Variants in ARHGEF4 observed in about 807,000 individuals in gnomAD.
The protein encoded by ARHGEF4 is APC-stimulated guanine nucleotide exchange factor 1.
In ARHGEF4, 119 loss-of-function variants were observed where a neutral mutation model predicts 162.0. That is an observed-to-expected ratio of 0.73 (90% CI 0.63 to 0.86). The LOEUF is 0.86. ARHGEF4 is among the 40% of genes least tolerant of loss of function. ARHGEF4 has a pLI of 0.00. For synonymous variants in ARHGEF4, 1,014 were observed against 979.9 expected, an observed-to-expected ratio of 1.03 and a Z score of -0.65; for missense variants, 2,488 against 2,456.0, an observed-to-expected ratio of 1.01 and a Z score of -0.28.
chr2:131,041,984 G>T, intron 10 of ARHGEF4, 40 bp downstream of exon 10: 2 of 1,595,950 alleles, frequency 1.3e-6, no homozygotes, highest in Non-Finnish European at 8.5e-7. Flanking sequence ...GGAGGTCTTG[G>T]CCCCTCGCTT....
At chr2:130,849,632 G>A (rs967772692) in intron 1 of ARHGEF4, among the ~76,000 whole-genome samples, 2 of 151,010 alleles carry the variant, frequency 1.3e-5, no homozygotes, top group African/African-American at 4.9e-5. Context: ...GCAGTGGCGC[G>A]ATCTCAGCTC....
At chr2:130,992,394 C>T (rs889203661) in intron 4 of ARHGEF4, among the ~76,000 whole-genome samples, 2 of 152,182 alleles carry the variant, frequency 1.3e-5, no homozygotes, top group Non-Finnish European at 2.9e-5. Flanking sequence ...GTAACGCTCA[C>T]CGCGAAGGTC....
chr2:130,963,700 C>G (rs1684781328), intron 4 of ARHGEF4: 1 of 146,196 alleles, frequency 6.8e-6, no homozygotes, highest in African/African-American at 2.5e-5. Flanking sequence ...GCGACCCGCA[C>G]TGGGGTCGCC....
intron 4 of ARHGEF4, among the ~76,000 whole-genome samples, chr2:130,984,869 C>T (rs936886335): frequency 1.3e-5 from 2 of 151,946 alleles, no homozygotes; most frequent in Non-Finnish European, 2.9e-5. Context: ...TTTTTGCAAA[C>T]AAAAATTCCT....
At chr2:130,922,478 A>AT (rs1350620411) in intron 2 of ARHGEF4, among the ~76,000 whole-genome samples, 1 of 152,176 alleles carries the variant, frequency 6.6e-6, no homozygotes, top group East Asian at 1.9e-4. Context: ...AGAGGCTCAA[A>AT]TTTTTTAAAG....
intron 1 of ARHGEF4, among the ~76,000 whole-genome samples, chr2:130,859,581 T>A (rs1574110616): frequency 1.9e-3 from 3 of 1,540 alleles, no homozygotes; most frequent in African/African-American, 5.1e-3. Flanking sequence ...AGACTCCAAC[T>A]CAAAAAAAAA....
At chr2:131,031,418 GGT>G (rs979302078) in intron 5 of ARHGEF4, among the ~76,000 whole-genome samples, 159 of 152,312 alleles carry the variant, frequency 1.0e-3, no homozygotes, top group African/African-American at 3.5e-3. Context: ...AAAGGGTGTG[GGT>G]GTGTGTTGCA....
At chr2:131,042,993 G>A (rs1347352902) in intron 10 of ARHGEF4, among the ~76,000 whole-genome samples, 1 of 152,182 alleles carries the variant, frequency 6.6e-6, no homozygotes, top group Non-Finnish European at 1.5e-5. Context: ...AAACTAGTAT[G>A]TGAGCCACAT....
chr2:130,877,037 G>C (rs1030490694), intron 1 of ARHGEF4, among the ~76,000 whole-genome samples: 1 of 152,224 alleles, frequency 6.6e-6, no homozygotes, highest in East Asian at 1.9e-4. Context: ...TAGTGCCAAA[G>C]TAAGATTATG....
intron 4 of ARHGEF4, among the ~76,000 whole-genome samples, chr2:130,981,207 G>A (rs1686093480): frequency 6.6e-6 from 1 of 152,080 alleles, no homozygotes; most frequent in Non-Finnish European, 1.5e-5. Flanking sequence ...AACAAAGATA[G>A]CCTGGGAATT....
chr2:130,964,754 C>A (rs1283358150), intron 4 of ARHGEF4, among the ~76,000 whole-genome samples: 2 of 152,194 alleles, frequency 1.3e-5, no homozygotes, highest in Non-Finnish European at 2.9e-5. Flanking sequence ...CAGCTCCCAG[C>A]GGAGGCAGCT....
intron 11 of ARHGEF4, 99 bp downstream of exon 11, chr2:131,043,682 A>T: frequency 3.2e-6 from 5 of 1,565,180 alleles, no homozygotes; most frequent in African/African-American, 1.3e-5. Context: ...TGCCAGCCAG[A>T]CCATACCCGG....
At chr2:130,992,078 G>A (rs953405375) in intron 4 of ARHGEF4, among the ~76,000 whole-genome samples, 2 of 152,202 alleles carry the variant, frequency 1.3e-5, no homozygotes, top group Non-Finnish European at 2.9e-5. Context: ...CTGCTCTGGT[G>A]GGGCCTTGGA....
rs549018787 is a variant in ARHGEF4 at position 131,029,228 on chromosome 2, G to A, written c.4125+1144G>A. Among the ~76,000 whole-genome samples the A allele has an allele frequency of 3.3e-5, 5 of 152,032 alleles. No homozygotes were observed. The South Asian group carries it at 6.2e-4, about 19-fold the overall frequency. On this transcript the variant is annotated intron_variant, in intron 5 of 13. Transcript: ENST00000409359. ...ACAAAAATTAGCCAGGCATGGTGGC[G>A]GGCACCTGTAATCCCAGCTACTCGA...
At chr2:131,039,846 C>T in intron 6 of ARHGEF4, 170 bp from the exon 7 acceptor site, 2 of 1,427,376 alleles carry the variant, frequency 1.4e-6, no homozygotes, top group South Asian at 1.5e-5. Context: ...ATTCCTCGGT[C>T]CAGGACTTGC....
chr2:130,999,357 C>A (rs548671622), intron 4 of ARHGEF4, among the ~76,000 whole-genome samples: 1 of 151,868 alleles, frequency 6.6e-6, no homozygotes, highest in Non-Finnish European at 1.5e-5. Flanking sequence ...GGGGTTTTAC[C>A]ATGTTAGCCA....
At chr2:130,967,679 T>C (rs1297278014) in intron 4 of ARHGEF4, among the ~76,000 whole-genome samples, 1 of 152,236 alleles carries the variant, frequency 6.6e-6, no homozygotes, top group Non-Finnish European at 1.5e-5. Context: ...AGATGAATCA[T>C]ACACATTTCT....
At chr2:131,024,863 C>G (rs991035598) in intron 4 of ARHGEF4, among the ~76,000 whole-genome samples, 1 of 152,184 alleles carries the variant, frequency 6.6e-6, no homozygotes, top group East Asian at 1.9e-4. Flanking sequence ...GTTCCTTATA[C>G]TATTTTCTCT....
At chr2:130,920,006 G>A (rs888508264) in intron 2 of ARHGEF4, among the ~76,000 whole-genome samples, 2 of 152,202 alleles carry the variant, frequency 1.3e-5, no homozygotes, top group African/African-American at 4.8e-5. Flanking sequence ...CTGTGCTCAC[G>A]TTGTGCATGG....
Sources: gnomAD v4.1 joint callset for allele counts (sites outside exome capture counted in the v4.1 genomes callset) on GRCh38, gnomAD v4.1.1 for gene constraint, MANE v1.5 for transcripts, NCBI Gene and HGNC (gene_info 2026-07-23, HGNC 2026-07-21) for gene names.